The following WDR49 variants were observed in gnomAD, a reference collection of about 807,000 sequenced individuals.
The protein encoded by WDR49 is cilia- and flagella-associated protein 337.
A neutral mutation model predicts 119.5 loss-of-function variants in WDR49; 107 were observed. The ratio of observed to expected loss-of-function variants is 0.90; its 90% confidence interval spans 0.77 to 1.05. The LOEUF (loss-of-function observed/expected upper bound fraction) is 1.05, where lower values mean the gene tolerates loss of function less well. WDR49 is among the 50% of genes least tolerant of loss of function. The pLI, the probability that WDR49 is intolerant of heterozygous loss-of-function variation, is 0.00. For synonymous variants in WDR49, 425 were observed against 418.8 expected (o/e 1.01, Z -0.18); for missense variants, 1,240 against 1,220.5 (o/e 1.02, Z -0.24).
chr3:167,554,663 T>C lies in WDR49; in HGVS notation c.1810A>G (p.Lys604Glu). Residue 604 changes from lysine to glutamate, a missense_variant, in exon 10 of 19, where the codon AAA (lysine) becomes GAA (glutamate). Coordinates refer to ENST00000682715, the MANE Select transcript of WDR49 (RefSeq NM_001366157.1). ...TCTCCTTTTTACCTTCCTATAGTTT[T>C]CCATGAGGCATAATCATACCTCTCC... ...GWERYDYASW[K>E]TIGRAITVFR... The C allele has an allele frequency of 6.5e-7, 1 of 1,534,806 alleles. No individual in the cohort carries two copies. The highest frequency in any genetic ancestry group is 8.9e-7 in the Non-Finnish European group (1 of 1,123,278).
rs760144047 is a variant in WDR49 at position 167,560,174 on chromosome 3, G to A, written c.1564C>T (p.Gln522Ter). Reference protein sequence around the residue: ...TVSFWMIDTGQKIKQFTGCHG... With the variant: ...TVSFWMIDTG ...CAACCAGTAAACTGTTTGATTTTCT[G>A]CCCAGTGTCTATCATCCAGAAGGAA... Residue 522 changes from glutamine to a stop codon, truncating the protein, a stop_gained, in exon 9 of 19, where the codon CAG becomes TAG. Transcript: ENST00000682715. LOFTEE classifies it high-confidence loss of function. 1 of 1,614,138 alleles carries A rather than the reference G, an allele frequency of 6.2e-7. No homozygotes were observed. The highest frequency in any genetic ancestry group is 8.5e-7 in the Non-Finnish European group (1 of 1,180,020).
At chr3:167,482,957 C>A (rs1404498831) in intron 18 of WDR49, among the ~76,000 whole-genome samples, 1 of 151,770 alleles carries the variant, frequency 6.6e-6, no homozygotes, top group African/African-American at 2.4e-5. Context: ...GCAGTATAAG[C>A]AAATTTAACA....
chr3:167,536,620 C>A lies in WDR49; in HGVS notation c.1954+250G>T, dbSNP rs1241269976. ...ACTTGAACCTGGCAGGTGGAGGTTACAATCAGCTGAGATCTGGCCACTGCA... is the reference window on the plus strand; with the variant it reads ...ACTTGAACCTGGCAGGTGGAGGTTAAAATCAGCTGAGATCTGGCCACTGCA... On this transcript the variant is annotated intron_variant, in intron 11 of 18. Transcript: ENST00000682715. Among the ~76,000 whole-genome samples the A allele has an allele frequency of 3.3e-5, 5 of 150,788 alleles. No homozygotes were observed. The East Asian group carries it at 9.8e-4, about 29-fold the overall frequency.
At chr3:167,553,260 C>T (rs933483214) in intron 10 of WDR49, among the ~76,000 whole-genome samples, 8 of 152,106 alleles carry the variant, frequency 5.3e-5, no homozygotes, top group South Asian at 2.1e-4. Flanking sequence ...TTGAGGATAA[C>T]GGAAAACATG....
chr3:167,650,938 T>A (rs905914109), intron 2 of WDR49, among the ~76,000 whole-genome samples: 16 of 152,120 alleles, frequency 1.1e-4, no homozygotes, highest in African/African-American at 3.6e-4. Context: ...ACATTGTAAG[T>A]AGCAAAGCCG....
At chr3:167,513,105 C>T (rs1027655195) in intron 16 of WDR49, among the ~76,000 whole-genome samples, 7 of 152,074 alleles carry the variant, frequency 4.6e-5, no homozygotes, top group Admixed American at 3.3e-4. Context: ...CCAGAGAACC[C>T]CAGTAAGATA....
chr3:167,630,467 C>A (rs891595817), intron 2 of WDR49, among the ~76,000 whole-genome samples: 4 of 152,082 alleles, frequency 2.6e-5, no homozygotes, highest in African/African-American at 9.7e-5. Context: ...ACCCACTTTA[C>A]TGCAGTGGTC....
chr3:167,650,170 T>C (rs1050157756), intron 2 of WDR49, among the ~76,000 whole-genome samples: 1 of 152,178 alleles, frequency 6.6e-6, no homozygotes. Context: ...CCATTTTCCT[T>C]AGACCAAAAT....
intron 10 of WDR49, among the ~76,000 whole-genome samples, chr3:167,541,027 T>TA (rs1288919000): frequency 2.6e-5 from 4 of 151,822 alleles, no homozygotes; most frequent in African/African-American, 7.3e-5. Flanking sequence ...AAAAAATGAA[T>TA]AAAGACTCCA....
chr3:167,641,239 GTC>G (rs1717868989), intron 2 of WDR49, among the ~76,000 whole-genome samples: 1 of 151,818 alleles, frequency 6.6e-6, no homozygotes, highest in African/African-American at 2.4e-5. Context: ...TTTATGATGT[GTC>G]TCTGCAGAAT....
At chr3:167,654,959 GA>G (rs1224280479), upstream of WDR49, among the ~76,000 whole-genome samples, 1 of 151,892 alleles carries the variant, frequency 6.6e-6, no homozygotes, top group Non-Finnish European at 1.5e-5. Context: ...GTAACATACG[GA>G]AGAGAACAGA....
chr3:167,605,012 T>G (rs1457280317), intron 5 of WDR49, among the ~76,000 whole-genome samples: 2 of 143,388 alleles, frequency 1.4e-5, no homozygotes, highest in Non-Finnish European at 1.5e-5. Context: ...TTAATTTGCT[T>G]TGTGTGTGTG....
intron 2 of WDR49, among the ~76,000 whole-genome samples, chr3:167,639,555 C>T (rs1477557862): frequency 6.6e-6 from 1 of 151,728 alleles, no homozygotes; most frequent in Admixed American, 6.6e-5. Context: ...AATGTATACT[C>T]CCAAATAATC....
chr3:167,536,106 T>C (rs1753011531), intron 11 of WDR49, among the ~76,000 whole-genome samples: 2 of 152,022 alleles, frequency 1.3e-5, no homozygotes, highest in African/African-American at 4.8e-5. Flanking sequence ...GAGAGATTGG[T>C]CAATGGGTAA....
At chr3:167,617,119 G>T (rs1328046727) in intron 5 of WDR49, among the ~76,000 whole-genome samples, 1 of 152,158 alleles carries the variant, frequency 6.6e-6, no homozygotes, top group Non-Finnish European at 1.5e-5. Flanking sequence ...TGCAAATAAT[G>T]CAATGAAGAG....
At chr3:167,503,409 C>T (rs577288318) in intron 17 of WDR49, among the ~76,000 whole-genome samples, 1 of 152,292 alleles carries the variant, frequency 6.6e-6, no homozygotes, top group East Asian at 1.9e-4. Context: ...GGGCCACTTC[C>T]AAGATGGTGG....
intron 18 of WDR49, among the ~76,000 whole-genome samples, chr3:167,496,323 C>T (rs1253080128): frequency 6.6e-6 from 1 of 152,120 alleles, no homozygotes; most frequent in Non-Finnish European, 1.5e-5. Flanking sequence ...CCCCCACCTA[C>T]CTGTCTAGCC....
intron 2 of WDR49, among the ~76,000 whole-genome samples, chr3:167,636,273 G>A (rs1330698733): frequency 2.0e-5 from 3 of 147,930 alleles, no homozygotes; most frequent in Non-Finnish European, 4.5e-5. Flanking sequence ...TTACACTGAG[G>A]TTGCTGCAAA....
chr3:167,530,241 G>A (rs1460135688), intron 13 of WDR49, among the ~76,000 whole-genome samples: 1 of 151,776 alleles, frequency 6.6e-6, no homozygotes. Flanking sequence ...AATTAAATAT[G>A]GGAAACAATA....
Sources: allele counts gnomAD v4.1 joint callset (sites outside exome capture counted in the v4.1 genomes callset), GRCh38; gene constraint gnomAD v4.1.1; transcripts MANE v1.5; gene names NCBI Gene and HGNC (gene_info 2026-07-23, HGNC 2026-07-21).